Variants in PLXNA4 observed in about 807,000 individuals in gnomAD.
The protein encoded by PLXNA4 is plexin-A4.
A neutral mutation model predicts 191.8 loss-of-function variants in PLXNA4; 44 were observed. That is an observed-to-expected ratio of 0.23 (90% CI 0.18 to 0.29). PLXNA4 has a LOEUF of 0.29. PLXNA4 is among the 10% of genes least tolerant of loss of function. The pLI, the probability that PLXNA4 is intolerant of heterozygous loss-of-function variation, is 1.00. For synonymous variants in PLXNA4, 1,082 were observed against 1,009.5 expected, an observed-to-expected ratio of 1.07 and a Z score of -1.36; for missense variants, 1,800 against 2,488.8, an observed-to-expected ratio of 0.72 and a Z score of 5.89.
At position 132,125,627 on chromosome 7, in the gene PLXNA4, AAAGG is replaced by A. The variant is rs1365034893; in HGVS notation, c.*4848_*4851del. 6 of 152,218 alleles carry A rather than the reference AAAGG, an allele frequency of 3.9e-5. No homozygotes were observed. Among genetic ancestry groups the A allele is most frequent in the Admixed American group, 1.3e-4 (2 of 15,286 alleles). 9.4% of individuals were successfully genotyped at this position (152,218 alleles called of 1,614,324 possible). ...AGTTTTGTTTTGTTTTGTTTTTTTTAAAGGAAGAGGCTGAGGGTTCAAGGCCTCC... is the reference window on the plus strand; with the variant it reads ...AGTTTTGTTTTGTTTTGTTTTTTTTAAAGAGGCTGAGGGTTCAAGGCCTCC... On this transcript the variant is annotated 3_prime_UTR_variant, in exon 32 of 32. Coordinates refer to ENST00000321063, the MANE Select transcript of PLXNA4 (RefSeq NM_020911.2).
intron 3 of PLXNA4, among the ~76,000 whole-genome samples, chr7:132,410,498 A>G (rs921903387): frequency 6.6e-6 from 1 of 152,088 alleles, no homozygotes. Flanking sequence ...AGAACTGCCA[A>G]CTCTGTCCCA....
At chr7:132,479,084 G>A (rs752346443) in intron 3 of PLXNA4, among the ~76,000 whole-genome samples, 8 of 151,992 alleles carry the variant, frequency 5.3e-5, no homozygotes, top group African/African-American at 9.7e-5. Context: ...CCTGGACAAC[G>A]TAGCAAGACC....
At chr7:132,160,429 T>G (rs1795916162) in intron 24 of PLXNA4, among the ~76,000 whole-genome samples, 1 of 152,192 alleles carries the variant, frequency 6.6e-6, no homozygotes, top group Non-Finnish European at 1.5e-5. Context: ...TTTTTTTTCC[T>G]TTAAAAAGTT....
chr7:132,256,289 G>C (rs911150763), intron 4 of PLXNA4, among the ~76,000 whole-genome samples: 1 of 152,228 alleles, frequency 6.6e-6, no homozygotes, highest in African/African-American at 2.4e-5. Context: ...GCAAGAAAAC[G>C]GATGTGACAA....
intron 2 of PLXNA4, among the ~76,000 whole-genome samples, chr7:132,490,765 AAAG>A (rs1454019172): frequency 1.3e-5 from 2 of 152,050 alleles, no homozygotes; most frequent in Admixed American, 6.5e-5. Context: ...AGTGTTCCTT[AAAG>A]AGAATATTCT....
At chr7:132,357,100 G>A (rs1363095276) in intron 3 of PLXNA4, among the ~76,000 whole-genome samples, 1 of 152,190 alleles carries the variant, frequency 6.6e-6, no homozygotes, top group African/African-American at 2.4e-5. Flanking sequence ...ACCAGCCAGA[G>A]TCTCTTCCAG....
At chr7:132,562,106 CCTCCTTCT>C (rs1563173574) in intron 1 of PLXNA4, among the ~76,000 whole-genome samples, 2 of 122,784 alleles carry the variant, frequency 1.6e-5, no homozygotes, top group Admixed American at 7.7e-5. Context: ...TTCTCCTCCT[CCTCCTTCT>C]CTCCTTCTCC....
At chr7:132,551,756 C>G (rs1800571820) in intron 1 of PLXNA4, among the ~76,000 whole-genome samples, 1 of 152,168 alleles carries the variant, frequency 6.6e-6, no homozygotes, top group Admixed American at 6.5e-5. Flanking sequence ...GATTTAAGCC[C>G]CGGAAAAACC....
chr7:132,229,543 G>A (rs1798451600), intron 5 of PLXNA4, among the ~76,000 whole-genome samples: 1 of 152,160 alleles, frequency 6.6e-6, no homozygotes, highest in African/African-American at 2.4e-5. Context: ...GGCAAGCAGG[G>A]TCCTCAGGAG....
chr7:132,141,472 C>T (rs1795267136), intron 29 of PLXNA4, among the ~76,000 whole-genome samples: 1 of 152,200 alleles, frequency 6.6e-6, no homozygotes, highest in East Asian at 1.9e-4. Flanking sequence ...ACTGTGCTTG[C>T]AACTGGGGAT....
At chr7:132,432,323 C>G (rs1027135731) in intron 3 of PLXNA4, among the ~76,000 whole-genome samples, 1 of 152,182 alleles carries the variant, frequency 6.6e-6, no homozygotes, top group Non-Finnish European at 1.5e-5. Context: ...TCCAAGAAAG[C>G]AGGAATGGGG....
At chr7:132,171,275 A>C (rs138686954) in intron 21 of PLXNA4, among the ~76,000 whole-genome samples, 401 of 152,340 alleles carry the variant, frequency 2.6e-3, no homozygotes, top group African/African-American at 8.9e-3. Flanking sequence ...GATCTTGCAA[A>C]ACTGAGTTAA....
intron 5 of PLXNA4, among the ~76,000 whole-genome samples, chr7:132,234,714 T>C (rs1035824122): frequency 1.3e-5 from 2 of 151,844 alleles, no homozygotes; most frequent in Admixed American, 6.6e-5. Flanking sequence ...TGCTAAGCCA[T>C]TGGAGAGGAA....
intron 3 of PLXNA4, among the ~76,000 whole-genome samples, chr7:132,446,728 T>C (rs1255748962): frequency 6.6e-6 from 1 of 152,150 alleles, no homozygotes; most frequent in Non-Finnish European, 1.5e-5. Flanking sequence ...CTATCCGAAT[T>C]CCCAAGGGTT....
At position 132,501,096 on chromosome 7, in the gene PLXNA4, G is replaced by A. The variant is rs565708733; in HGVS notation, c.1188+6410C>T. On this transcript the variant is annotated intron_variant, in intron 2 of 31. Coordinates refer to ENST00000321063, the MANE Select transcript of PLXNA4 (RefSeq NM_020911.2). ...AGGGTTATCTCACACTGCATGAGGC[G>A]TGTGTGTGTGAGAGAGAGAAATCTC... Among the ~76,000 whole-genome samples, 424 of 52,480 alleles carry A rather than the reference G, an allele frequency of 8.1e-3. 4 individuals are homozygous for A. The highest frequency in any genetic ancestry group is 0.033 in the African/African-American group (408 of 12,366). The allele number at this position is 52,480 out of a possible 152,430, so 34.4% of individuals were successfully genotyped here. A position where few individuals can be genotyped will look rare whatever the true frequency, so the allele number is the denominator to read the frequency against.
At chr7:132,421,046 T>G (rs1336400083) in intron 3 of PLXNA4, among the ~76,000 whole-genome samples, 1 of 152,206 alleles carries the variant, frequency 6.6e-6, no homozygotes, top group Non-Finnish European at 1.5e-5. Flanking sequence ...TTCAGAACTT[T>G]TTCATCTTCC....
intron 3 of PLXNA4, among the ~76,000 whole-genome samples, chr7:132,417,214 G>C (rs1585107714): frequency 6.6e-6 from 1 of 152,120 alleles, no homozygotes. Context: ...CCAGGGCTGT[G>C]GGGGAGCCTC....
At chr7:132,365,325 C>CCG (rs1318052433) in intron 3 of PLXNA4, among the ~76,000 whole-genome samples, 79 of 122,438 alleles carry the variant, frequency 6.5e-4, no homozygotes, top group East Asian at 1.7e-3. Context: ...TTCCTACGGC[C>CCG]CGCGTGTGTG....
At chr7:132,599,367 T>C (rs941904329) in intron 2 of PLXNA4, among the ~76,000 whole-genome samples, 4 of 152,250 alleles carry the variant, frequency 2.6e-5, no homozygotes, top group Non-Finnish European at 4.4e-5. Flanking sequence ...TATTTGAGCA[T>C]AGCATGTGTC....
Sources: gnomAD v4.1 joint callset for allele counts (sites outside exome capture counted in the v4.1 genomes callset) on GRCh38, gnomAD v4.1.1 for gene constraint, MANE v1.5 for transcripts, NCBI Gene and HGNC (gene_info 2026-07-23, HGNC 2026-07-21) for gene names.